HEATR5B: variants seen among roughly 807,000 people sequenced by gnomAD.
HEATR5B encodes HEAT repeat-containing protein 5B.
A neutral mutation model predicts 224.1 loss-of-function variants in HEATR5B; 156 were observed. That is an observed-to-expected ratio of 0.70 (90% CI 0.61 to 0.80). The LOEUF is 0.80. HEATR5B is among the 30% of genes least tolerant of loss of function. The pLI, the probability that HEATR5B is intolerant of heterozygous loss-of-function variation, is 0.00. For missense variants in HEATR5B, 2,323 were observed against 2,535.5 expected (o/e 0.92, Z 1.80); for synonymous variants, 1,027 against 893.0 (o/e 1.15, Z -2.68).
rs1378708860 is a variant in HEATR5B at position 37,008,697 on chromosome 2, G to A, written c.4436C>T (p.Thr1479Ile). 6.2e-7 allele frequency: 1 copy of A among 1,614,042 alleles called. No homozygotes were observed. Reference protein sequence around the residue: ...LITLVQPELPTLSRLWLAALK... With the variant: ...LITLVQPELPILSRLWLAALK... ...TGCTGCTAACCACAGGCGACTGAGT[G>A]TTGGTAGTTCAGGTTGTACCAGTGT... Residue 1479 changes from threonine (T) to isoleucine (I), a missense_variant, in exon 28 of 36, where the codon ACA becomes ATA. Physicochemically the swap from Thr to Ile is moderately conservative, Grantham distance 89. Transcript: ENST00000233099.
At chr2:37,021,349 A>G (rs1411568133) in intron 24 of HEATR5B, among the ~76,000 whole-genome samples, 1 of 152,178 alleles carries the variant, frequency 6.6e-6, no homozygotes, top group Non-Finnish European at 1.5e-5. Flanking sequence ...TAGAAGGCCA[A>G]AAATCTTCCT....
intron 22 of HEATR5B, among the ~76,000 whole-genome samples, chr2:37,030,569 G>A (rs1669066696): frequency 6.6e-6 from 1 of 152,102 alleles, no homozygotes; most frequent in African/African-American, 2.4e-5. Flanking sequence ...AGGACATAGT[G>A]CCAAAAAACC....
intron 18 of HEATR5B, among the ~76,000 whole-genome samples, chr2:37,049,449 C>T (rs984760474): frequency 5.9e-5 from 9 of 152,116 alleles, no homozygotes; most frequent in East Asian, 1.9e-4. Flanking sequence ...GCCCTCTCCA[C>T]GCAGAAAGTA....
rs1246750671 is a variant in HEATR5B, at chr2:37,036,511, CAA to C, written c.3216+1342_3216+1343del. 2.3e-4 allele frequency among the ~76,000 whole-genome samples: 25 copies of C among 106,498 alleles called. No homozygotes were observed. The East Asian group carries it at 6.8e-3, about 29-fold the overall frequency. 69.9% of individuals were successfully genotyped at this position (106,498 alleles called of 152,430 possible). A position where few individuals can be genotyped will look rare whatever the true frequency, so the allele number is the denominator to read the frequency against. On this transcript the variant is annotated intron_variant, in intron 21 of 35. Coordinates refer to ENST00000233099, the MANE Select transcript of HEATR5B (RefSeq NM_019024.3). ...ACTCTGCAAATCACACCTTAAATAT[CAA>C]TTGTTTTTTTTTTTTGAGACAGAGT...
chr2:37,081,719 A>C (rs1482168749), intron 2 of HEATR5B, among the ~76,000 whole-genome samples: 1 of 152,200 alleles, frequency 6.6e-6, no homozygotes, highest in Non-Finnish European at 1.5e-5. Flanking sequence ...TCCAGACTAG[A>C]AGAGTCCAGG....
chr2:36,982,506 T>C (rs1356488759), intron 35 of HEATR5B, among the ~76,000 whole-genome samples: 1 of 152,196 alleles, frequency 6.6e-6, no homozygotes, highest in Non-Finnish European at 1.5e-5. Flanking sequence ...ATTGTGTGTG[T>C]GTATAACATC....
chr2:37,003,261 A>C (rs13022320), intron 31 of HEATR5B, among the ~76,000 whole-genome samples: 2 of 21,190 alleles, frequency 9.4e-5, no homozygotes, highest in Non-Finnish European at 1.6e-4. Context: ...TCCCGCCCGC[A>C]AAAAAAAAAA....
At chr2:36,989,135 G>A (rs1244214691) in intron 34 of HEATR5B, among the ~76,000 whole-genome samples, 2 of 152,150 alleles carry the variant, frequency 1.3e-5, no homozygotes, top group African/African-American at 2.4e-5. Context: ...CGCCAGGCTA[G>A]AGTGCAGTGG....
chr2:37,068,445 A>T (rs928348983), intron 8 of HEATR5B, among the ~76,000 whole-genome samples: 1 of 152,216 alleles, frequency 6.6e-6, no homozygotes, highest in Non-Finnish European at 1.5e-5. Flanking sequence ...TAAAATCCGT[A>T]TAGGTACTAG....
At chr2:37,027,109 G>A (rs552911015) in intron 24 of HEATR5B, among the ~76,000 whole-genome samples, 1 of 152,252 alleles carries the variant, frequency 6.6e-6, no homozygotes, top group African/African-American at 2.4e-5. Flanking sequence ...CAGCCTGTTT[G>A]TTTTAAAAAT....
chr2:36,990,781 G>A lies in HEATR5B; in HGVS notation c.5564C>T (p.Pro1855Leu). ...YSQPEDSVPT[P>L]DEVSMLTAIA... Reference sequence around the variant, plus strand: ...TGCTGTTAGCATGCTTACTTCATCAGGTGTAGGTACAGAGTCTTCTGAAAA... The same window carrying A: ...TGCTGTTAGCATGCTTACTTCATCAAGTGTAGGTACAGAGTCTTCTGAAAA... The change falls in exon 34 of 36, where the codon CCT (proline) becomes CTT (leucine). Residue 1855 changes from proline (P) to leucine (L), a missense_variant. By Grantham distance (98) the Pro-to-Leu change is moderately conservative. This residue lies in a region of HEATR5B where 844 missense variants were observed against 812.9 expected (regional missense o/e 1.04). Coordinates refer to ENST00000233099, the MANE Select transcript of HEATR5B (RefSeq NM_019024.3). 1.2e-6 allele frequency: 2 copies of A among 1,604,334 alleles called. No individual in the cohort carries two copies. Among genetic ancestry groups the A allele is most frequent in the Non-Finnish European group, 1.7e-6 (2 of 1,175,204 alleles).
At chr2:37,040,984 TAAAC>T (rs2148498918) in intron 19 of HEATR5B, 145 bp downstream of exon 19, 4 of 615,632 alleles carry the variant, frequency 6.5e-6, no homozygotes, top group East Asian at 2.7e-5. Context: ...ACTAGGCTGA[TAAAC>T]AAAATCTTGC....
At chr2:36,990,201 A>C (rs1666234735) in intron 34 of HEATR5B, among the ~76,000 whole-genome samples, 1 of 152,030 alleles carries the variant, frequency 6.6e-6, no homozygotes, top group Non-Finnish European at 1.5e-5. Context: ...GGTCTTCAAG[A>C]ATGTTTCTGC....
chr2:37,005,678 G>A lies in HEATR5B; in HGVS notation c.4859C>T (p.Thr1620Ile). 4 of 1,613,128 alleles carry A rather than the reference G, an allele frequency of 2.5e-6. No individual in the cohort carries two copies. Among genetic ancestry groups the A allele is most frequent in the Non-Finnish European group, 3.4e-6 (4 of 1,179,156 alleles). Residue 1620 changes from threonine to isoleucine, a missense_variant, in exon 30 of 36, where the codon ACC becomes ATC. Physicochemically the swap from Thr to Ile is moderately conservative, Grantham distance 89. Transcript: ENST00000233099. ...TCGAGCATAAGGGGAGTCTAGCAAG[G>A]TATGTAAGGCCTGCAGGCATGCTGT... Reference protein sequence around the residue: ...HVTACLQALHTLLDSPYARVH... With the variant: ...HVTACLQALHILLDSPYARVH...
chr2:37,015,740 C>T (rs894663563), intron 26 of HEATR5B, among the ~76,000 whole-genome samples: 1 of 152,156 alleles, frequency 6.6e-6, no homozygotes, highest in African/African-American at 2.4e-5. Flanking sequence ...CAAAGTGCCA[C>T]TAAGAGACTT....
At chr2:37,010,437 T>C (rs1166809238) in intron 27 of HEATR5B, among the ~76,000 whole-genome samples, 1 of 152,120 alleles carries the variant, frequency 6.6e-6, no homozygotes, top group Non-Finnish European at 1.5e-5. Context: ...ATAGGGACTT[T>C]GGATCTCAAG....
At chr2:37,030,380 A>G (rs1366014631) in intron 22 of HEATR5B, among the ~76,000 whole-genome samples, 1 of 152,222 alleles carries the variant, frequency 6.6e-6, no homozygotes. Flanking sequence ...TTCCCATTTC[A>G]GTAATTATAC....
chr2:37,082,050 T>G lies in HEATR5B; in HGVS notation c.126+1239A>C, dbSNP rs13022698. On this transcript the variant is annotated intron_variant, in intron 2 of 35. Coordinates refer to ENST00000233099, the MANE Select transcript of HEATR5B (RefSeq NM_019024.3). ...TCATCAGACATTTGAGGGAAGTATC[T>G]ACTTTTTTTTTTTTTTTTTTTTTTT... 8.4e-5 allele frequency among the ~76,000 whole-genome samples: 11 copies of G among 130,800 alleles called. No individual in the cohort carries two copies. The East Asian group carries it at 2.4e-3, about 29-fold the overall frequency. 85.8% of individuals were successfully genotyped at this position (130,800 alleles called of 152,430 possible). A position where few individuals can be genotyped will look rare whatever the true frequency, so the allele number is the denominator to read the frequency against.
At chr2:37,040,183 A>C (rs1214866408) in intron 20 of HEATR5B, 146 bp downstream of exon 20, 3 of 625,222 alleles carry the variant, frequency 4.8e-6, no homozygotes, top group Non-Finnish European at 8.2e-6. Flanking sequence ...TAAAAAGCTG[A>C]GTGCCAGGCT....
Sources: allele counts gnomAD v4.1 joint callset (sites outside exome capture counted in the v4.1 genomes callset), GRCh38; gene constraint gnomAD v4.1.1; regional missense constraint gnomAD v4.1.1; transcripts MANE v1.5; gene names NCBI Gene and HGNC (gene_info 2026-07-23, HGNC 2026-07-21).